CIMIP2A: variants seen among roughly 807,000 people sequenced by gnomAD.
CIMIP2A encodes family with sequence similarity 166 member A.
chr9:137,252,032 C>A, the CIMIP2A span: 2 of 1,612,730 alleles, frequency 1.2e-6, no homozygotes, highest in Admixed American at 3.3e-5. Context: ...TCACAGCTGA[C>A]CTGGAAGTCC....
chr9:137,252,190 T>C, the CIMIP2A span: 2 of 1,567,132 alleles, frequency 1.3e-6, no homozygotes, highest in Non-Finnish European at 1.7e-6. Flanking sequence ...ACCCTGGGAA[T>C]GGGGGCCTTT....
the CIMIP2A span, among the ~76,000 whole-genome samples, chr9:137,249,856 A>G: frequency 6.6e-6 from 1 of 152,176 alleles, no homozygotes; most frequent in African/African-American, 2.4e-5. Flanking sequence ...TAACTTCCCT[A>G]GTTCTATGAG....
the CIMIP2A span, chr9:137,245,018 G>A: frequency 6.2e-7 from 1 of 1,610,428 alleles, no homozygotes; most frequent in South Asian, 1.1e-5. Flanking sequence ...AGCCTCCTCA[G>A]GGGCTCTCAC....
At chr9:137,244,928 C>T in the CIMIP2A span, 1 of 1,599,266 alleles carries the variant, frequency 6.3e-7, no homozygotes, top group South Asian at 1.1e-5. Context: ...AAGCTGGGCT[C>T]CTGGAAGCAG....
At chr9:137,246,395 G>A in the CIMIP2A span, among the ~76,000 whole-genome samples, 1 of 152,338 alleles carries the variant, frequency 6.6e-6, no homozygotes, top group African/African-American at 2.4e-5. Context: ...GGGGCATGGT[G>A]CAGGTGGTCA....
chr9:137,245,771 T>G, the CIMIP2A span: 3 of 1,556,268 alleles, frequency 1.9e-6, no homozygotes, highest in Non-Finnish European at 2.6e-6. Context: ...TTCTGCACAC[T>G]GGGGTCTGTG....
the CIMIP2A span, chr9:137,252,039 G>T: frequency 1.2e-6 from 2 of 1,612,878 alleles, no homozygotes; most frequent in South Asian, 2.2e-5. Context: ...TGACCTGGAA[G>T]TCCCCAGCCC....
chr9:137,245,276 T>G, the CIMIP2A span: 1 of 1,574,352 alleles, frequency 6.4e-7, no homozygotes, highest in Admixed American at 1.8e-5. Context: ...CTGAGCGGAA[T>G]GGGCTTGGCA....
chr9:137,246,904 C>G, the CIMIP2A span, among the ~76,000 whole-genome samples: 1 of 152,180 alleles, frequency 6.6e-6, no homozygotes, highest in African/African-American at 2.4e-5. Flanking sequence ...TGCACACACA[C>G]ACACGTTCCG....
At chr9:137,247,357 G>T in the CIMIP2A span, among the ~76,000 whole-genome samples, 2 of 152,368 alleles carry the variant, frequency 1.3e-5, no homozygotes, top group African/African-American at 2.4e-5. Flanking sequence ...CTTACTAGCC[G>T]GCCTCTGCCG....
At chr9:137,248,468 A>C in the CIMIP2A span, among the ~76,000 whole-genome samples, 2 of 149,978 alleles carry the variant, frequency 1.3e-5, no homozygotes, top group African/African-American at 4.9e-5. Flanking sequence ...GCGTGAACCC[A>C]GGAGGTGGAG....
chr9:137,246,223 C>T, the CIMIP2A span, among the ~76,000 whole-genome samples: 5 of 152,188 alleles, frequency 3.3e-5, no homozygotes, highest in Non-Finnish European at 4.4e-5. Context: ...AGGACATAGG[C>T]GAGGGACGGA....
chr9:137,246,749 C>T, the CIMIP2A span, among the ~76,000 whole-genome samples: 3 of 151,702 alleles, frequency 2.0e-5, no homozygotes, highest in East Asian at 1.9e-4. Context: ...GGCAACAGAG[C>T]GAGACTCCGT....
At chr9:137,249,073 G>C in the CIMIP2A span, among the ~76,000 whole-genome samples, 1 of 151,796 alleles carries the variant, frequency 6.6e-6, no homozygotes, top group Non-Finnish European at 1.5e-5. Flanking sequence ...AGCCAGGATG[G>C]TCTCGAACTC....
At chr9:137,243,679 GAC>G in the CIMIP2A span, 1 of 1,614,140 alleles carries the variant, frequency 6.2e-7, no homozygotes, top group Non-Finnish European at 8.5e-7. Context: ...ATGCTGTACA[GAC>G]ACCACCATTA....
At chr9:137,244,735 G>T in the CIMIP2A span, 5 of 1,612,632 alleles carry the variant, frequency 3.1e-6, no homozygotes, top group South Asian at 5.5e-5. Context: ...AGCCAGCATA[G>T]CCTGGGGGTA....
the CIMIP2A span, chr9:137,247,816 C>CA: frequency 8.5e-7 from 1 of 1,182,948 alleles, no homozygotes; most frequent in Non-Finnish European, 1.2e-6. Flanking sequence ...GAGGGGCCAG[C>CA]ATTGTGGGCA....
At chr9:137,251,594 G>T in the CIMIP2A span, 1 of 1,143,886 alleles carries the variant, frequency 8.7e-7, no homozygotes, top group Non-Finnish European at 1.2e-6. Flanking sequence ...AGCGGCCAGG[G>T]GCTGAGGGAC....
At chr9:137,250,068 A>C in the CIMIP2A span, among the ~76,000 whole-genome samples, 2 of 152,184 alleles carry the variant, frequency 1.3e-5, no homozygotes, top group African/African-American at 4.8e-5. Context: ...AAGGAAATGA[A>C]TTAGAGGACA....
Sources: allele counts gnomAD v4.1 joint callset (sites outside exome capture counted in the v4.1 genomes callset), GRCh38; gene constraint gnomAD v4.1.1; transcripts MANE v1.5; gene names NCBI Gene and HGNC (gene_info 2026-07-23, HGNC 2026-07-21).